The following SMC5 variants were observed in gnomAD, a reference collection of about 807,000 sequenced individuals.
SMC5 encodes structural maintenance of chromosomes protein 5.
A neutral mutation model predicts 148.3 loss-of-function variants in SMC5; 88 were observed. That is an observed-to-expected ratio of 0.59 (90% CI 0.50 to 0.71). SMC5 has a LOEUF of 0.71. SMC5 is among the 30% of genes least tolerant of loss of function. SMC5 has a pLI of 0.00. For synonymous variants in SMC5, 421 were observed against 432.8 expected, an observed-to-expected ratio of 0.97 and a Z score of 0.34; for missense variants, 1,142 against 1,298.9, an observed-to-expected ratio of 0.88 and a Z score of 1.86.
intron 17 of SMC5, among the ~76,000 whole-genome samples, chr9:70,329,953 A>T (rs2036178520): frequency 6.6e-6 from 1 of 152,044 alleles, no homozygotes; most frequent in Admixed American, 6.5e-5. Flanking sequence ...GGTGAGAGAG[A>T]AGGGGGAAGT....
At chr9:70,267,802 C>T (rs542860882) in intron 2 of SMC5, 121 bp from the exon 3 acceptor site, 11 of 742,714 alleles carry the variant, frequency 1.5e-5, no homozygotes, top group South Asian at 1.3e-4. Context: ...GTGACAGGAG[C>T]GAACATACAA....
At position 70,344,155 on chromosome 9, in the gene SMC5, T is replaced by C; in HGVS notation, c.2409T>C (p.Ile803=). The C allele has an allele frequency of 6.6e-7, 1 of 1,519,334 alleles. No homozygotes were observed. The highest frequency in any genetic ancestry group is 1.4e-5 in the African/African-American group (1 of 71,318). 94.1% of individuals were successfully genotyped at this position (1,519,334 alleles called of 1,614,324 possible). A position where few individuals can be genotyped will look rare whatever the true frequency, so the allele number is the denominator to read the frequency against. The change falls in exon 18 of 25, where the codon ATT becomes ATC. Residue 803 remains isoleucine (I), a synonymous_variant. Coordinates refer to ENST00000361138, the MANE Select transcript of SMC5 (RefSeq NM_015110.4). ...AATTTTTTTAATAGCAACATTTCAT[T>C]GAATTGGATGAAAATAGACAGAGAT... The part of the protein sequence containing the change: ...SQLRLTEQHF[I]ELDENRQRLL...
chr9:70,316,388 C>T (rs1418870570), intron 13 of SMC5, among the ~76,000 whole-genome samples: 1 of 151,968 alleles, frequency 6.6e-6, no homozygotes, highest in Non-Finnish European at 1.5e-5. Context: ...GCTCACTATA[C>T]TTCATTAACA....
chr9:70,335,901 A>G (rs1217922389), intron 17 of SMC5, among the ~76,000 whole-genome samples: 1 of 152,212 alleles, frequency 6.6e-6, no homozygotes, highest in East Asian at 1.9e-4. Flanking sequence ...TATTTTTATT[A>G]CGTCATTTTA....
chr9:70,275,034 T>G (rs2034550416), intron 3 of SMC5, among the ~76,000 whole-genome samples: 1 of 152,158 alleles, frequency 6.6e-6, no homozygotes, highest in Non-Finnish European at 1.5e-5. Flanking sequence ...GATCACTTTC[T>G]GCCAAAAGGA....
chr9:70,296,898 A>T (rs2035216795), intron 8 of SMC5, among the ~76,000 whole-genome samples: 1 of 152,210 alleles, frequency 6.6e-6, no homozygotes, highest in African/African-American at 2.4e-5. Flanking sequence ...TGGTTATAAA[A>T]ATGTAATTTA....
intron 6 of SMC5, among the ~76,000 whole-genome samples, chr9:70,282,170 C>T (rs2034769051): frequency 6.6e-6 from 1 of 151,710 alleles, no homozygotes; most frequent in Non-Finnish European, 1.5e-5. Context: ...TTTCAGATAA[C>T]AGGATGGAAG....
At chr9:70,351,305 G>C (rs1047854262) in intron 24 of SMC5, among the ~76,000 whole-genome samples, 4 of 150,636 alleles carry the variant, frequency 2.7e-5, no homozygotes, top group Admixed American at 2.0e-4. Flanking sequence ...AGTGAGCCCA[G>C]ATCACACCAC....
chr9:70,341,283 C>G (rs1181265304), intron 17 of SMC5, among the ~76,000 whole-genome samples: 1 of 152,206 alleles, frequency 6.6e-6, no homozygotes, highest in Non-Finnish European at 1.5e-5. Context: ...TTTTGTCTTT[C>G]TAAGTCCAGA....
At chr9:70,296,707 G>T (rs1474305275) in intron 8 of SMC5, among the ~76,000 whole-genome samples, 1 of 152,168 alleles carries the variant, frequency 6.6e-6, no homozygotes, top group Admixed American at 6.5e-5. Flanking sequence ...GGCTAAAACA[G>T]ATTATGTGAT....
chr9:70,298,357 C>A, intron 9 of SMC5, 136 bp downstream of exon 9: 1 of 888,914 alleles, frequency 1.1e-6, no homozygotes, highest in Non-Finnish European at 1.7e-6. Context: ...TCAGTTCTTC[C>A]AACTTCATAC....
At chr9:70,271,705 G>A (rs2118055221) in intron 3 of SMC5, among the ~76,000 whole-genome samples, 1 of 152,242 alleles carries the variant, frequency 6.6e-6, no homozygotes, top group East Asian at 1.9e-4. Flanking sequence ...TAAATAACCT[G>A]ATCAGGAAAG....
At chr9:70,260,819 T>G (rs2034102841) in intron 1 of SMC5, among the ~76,000 whole-genome samples, 1 of 152,210 alleles carries the variant, frequency 6.6e-6, no homozygotes, top group Admixed American at 6.5e-5. Flanking sequence ...CAGGGCTCCG[T>G]GAAGCCTGGA....
chr9:70,340,981 A>G (rs764767258), intron 17 of SMC5, among the ~76,000 whole-genome samples: 5 of 152,308 alleles, frequency 3.3e-5, no homozygotes, highest in Non-Finnish European at 5.9e-5. Context: ...CTTATCTTAC[A>G]TCTTAAACAG....
At chr9:70,296,508 G>A (rs1377486405) in intron 8 of SMC5, among the ~76,000 whole-genome samples, 1 of 149,248 alleles carries the variant, frequency 6.7e-6, no homozygotes, top group Admixed American at 6.7e-5. Context: ...AACCGAGATC[G>A]CACCACTGCA....
chr9:70,340,275 G>A (rs1018155248), intron 17 of SMC5, among the ~76,000 whole-genome samples: 1 of 150,884 alleles, frequency 6.6e-6, no homozygotes, highest in African/African-American at 2.4e-5. Flanking sequence ...AAAAAGAACT[G>A]TTTCAGAGGA....
intron 8 of SMC5, among the ~76,000 whole-genome samples, chr9:70,288,650 CTCTT>C (rs1261153260): frequency 6.6e-6 from 1 of 151,890 alleles, no homozygotes; most frequent in Admixed American, 6.6e-5. Context: ...GATTAGTAGG[CTCTT>C]TGTTTCAATT....
At chr9:70,306,415 T>A (rs756235539) in intron 11 of SMC5, among the ~76,000 whole-genome samples, 5 of 152,158 alleles carry the variant, frequency 3.3e-5, no homozygotes, top group Non-Finnish European at 5.9e-5. Flanking sequence ...TATGTGAACA[T>A]AAAGGTGACT....
intron 1 of SMC5, among the ~76,000 whole-genome samples, chr9:70,261,547 T>A (rs1290267154): frequency 6.6e-6 from 1 of 152,210 alleles, no homozygotes; most frequent in Non-Finnish European, 1.5e-5. Context: ...TCCTGTGACT[T>A]AAAGTTTCCT....
Sources: gnomAD v4.1 joint callset for allele counts (sites outside exome capture counted in the v4.1 genomes callset) on GRCh38, gnomAD v4.1.1 for gene constraint, MANE v1.5 for transcripts, NCBI Gene and HGNC (gene_info 2026-07-23, HGNC 2026-07-21) for gene names.